Variants in BANK1 observed in about 807,000 individuals in gnomAD.
BANK1 encodes the protein B-cell scaffold protein with ankyrin repeats.
BANK1 carries 95 observed loss-of-function variants against 94.5 expected under a neutral mutation model. That is an observed-to-expected ratio of 1.00 (90% CI 0.85 to 1.19). The LOEUF (loss-of-function observed/expected upper bound fraction) is 1.19. BANK1 is among the 50% of genes most tolerant of loss of function. The pLI is 0.00. For missense variants in BANK1, 987 were observed against 932.2 expected, an observed-to-expected ratio of 1.06 and a Z score of -0.77; for synonymous variants, 334 against 308.4, an observed-to-expected ratio of 1.08 and a Z score of -0.87.
intron 2 of BANK1, among the ~76,000 whole-genome samples, chr4:101,834,956 T>C (rs952197603): frequency 1.3e-5 from 2 of 152,156 alleles, no homozygotes; most frequent in Non-Finnish European, 2.9e-5. Flanking sequence ...GTAATTTATA[T>C]TTTCTCCTAG....
rs538901138 is a variant in BANK1 at position 101,946,524 on chromosome 4, C to T, written c.1206+28335C>T. 1.3e-3 allele frequency among the ~76,000 whole-genome samples: 192 copies of T among 152,026 alleles called. 1 individual carries two copies. Among genetic ancestry groups the T allele is most frequent in the African/African-American group, 4.0e-3 (165 of 41,524 alleles). On this transcript the variant is annotated intron_variant, in intron 7 of 16. Coordinates refer to ENST00000322953, the MANE Select transcript of BANK1 (RefSeq NM_017935.5). ...ATATTAGCAGACGGCAAAATGCAGA[C>T]GCCTTTTGTTTCCATCCCTCCTGAA...
chr4:101,931,813 G>C (rs1433351976), intron 7 of BANK1, among the ~76,000 whole-genome samples: 1 of 151,408 alleles, frequency 6.6e-6, no homozygotes, highest in Non-Finnish European at 1.5e-5. Flanking sequence ...GTGGAATATT[G>C]ACATGGAGAG....
Position 101,933,398 on chromosome 4 carries a change from A to G in BANK1, c.1206+15209A>G, listed in dbSNP as rs540272918. On this transcript the variant is annotated intron_variant, in intron 7 of 16. Transcript: ENST00000322953. ...AAGCAAGTCAGTGGAAGAAAAGCAT[A>G]TTAAAGGGGTATGGAGTTTTACATG... Among the ~76,000 whole-genome samples, 9 of 151,364 alleles carry G rather than the reference A, an allele frequency of 5.9e-5. No homozygotes were observed. The South Asian group carries it at 1.2e-3, about 21-fold the overall frequency.
chr4:102,009,786 A>G (rs931767056), intron 7 of BANK1, among the ~76,000 whole-genome samples: 12 of 152,204 alleles, frequency 7.9e-5, no homozygotes, highest in African/African-American at 2.9e-4. Flanking sequence ...GGTAAATAGT[A>G]AATGTTATGT....
chr4:101,974,540 G>C (rs542667487), intron 7 of BANK1, among the ~76,000 whole-genome samples: 2 of 152,200 alleles, frequency 1.3e-5, no homozygotes, highest in East Asian at 3.9e-4. Flanking sequence ...CTTCCACTGT[G>C]CCAAATAATT....
At chr4:101,863,310 A>G (rs546437968) in intron 4 of BANK1, among the ~76,000 whole-genome samples, 5 of 152,008 alleles carry the variant, frequency 3.3e-5, no homozygotes, top group Non-Finnish European at 5.9e-5. Context: ...TAATTTCTGG[A>G]TATTTTAATA....
At chr4:101,902,317 A>AT (rs1241827769) in intron 6 of BANK1, among the ~76,000 whole-genome samples, 1 of 152,254 alleles carries the variant, frequency 6.6e-6, no homozygotes, top group Non-Finnish European at 1.5e-5. Context: ...TTGTAGGAAT[A>AT]TAATGGGTAA....
chr4:101,797,167 C>T (rs1725184274), intron 1 of BANK1, among the ~76,000 whole-genome samples: 1 of 152,050 alleles, frequency 6.6e-6, no homozygotes, highest in Non-Finnish European at 1.5e-5. Context: ...TCAATGTGTT[C>T]TTGCTAAACT....
At chr4:101,868,126 C>G (rs186152862) in intron 4 of BANK1, among the ~76,000 whole-genome samples, 1 of 152,014 alleles carries the variant, frequency 6.6e-6, no homozygotes, top group Admixed American at 6.5e-5. Context: ...AGGGTTGGAG[C>G]AAGGTAGGTT....
chr4:102,001,448 A>G (rs1726068830), intron 7 of BANK1, among the ~76,000 whole-genome samples: 1 of 152,116 alleles, frequency 6.6e-6, no homozygotes, highest in South Asian at 2.1e-4. Flanking sequence ...AAGAATACAA[A>G]AATTAGCTGG....
intron 7 of BANK1, among the ~76,000 whole-genome samples, chr4:101,926,608 A>G (rs1251274868): frequency 6.6e-6 from 1 of 151,744 alleles, no homozygotes; most frequent in Non-Finnish European, 1.5e-5. Context: ...ATAAGACTAT[A>G]AATAAATAAA....
At chr4:101,891,093 A>G (rs899736393) in intron 5 of BANK1, among the ~76,000 whole-genome samples, 1 of 152,054 alleles carries the variant, frequency 6.6e-6, no homozygotes, top group African/African-American at 2.4e-5. Context: ...ACTTTTGCTT[A>G]TTGTGTTCTT....
intron 7 of BANK1, among the ~76,000 whole-genome samples, chr4:101,986,625 C>T (rs1000759438): frequency 1.1e-4 from 17 of 151,412 alleles, no homozygotes; most frequent in African/African-American, 4.1e-4. Context: ...CAGATGCTCT[C>T]ATGCCATACT....
intron 1 of BANK1, among the ~76,000 whole-genome samples, chr4:101,818,180 C>T (rs960177940): frequency 6.6e-6 from 1 of 152,100 alleles, no homozygotes; most frequent in Non-Finnish European, 1.5e-5. Flanking sequence ...TGACATGGGG[C>T]ATAGCCTTGA....
chr4:101,870,938 A>G lies in BANK1; in HGVS notation c.903+294A>G, dbSNP rs138921183. Among the ~76,000 whole-genome samples, 894 of 152,202 alleles carry G rather than the reference A, an allele frequency of 5.9e-3. 15 individuals carry two copies. The highest frequency in any genetic ancestry group is 0.02 in the African/African-American group (846 of 41,570). On this transcript the variant is annotated intron_variant, in intron 5 of 16. Transcript: ENST00000322953. Reference sequence around the variant, plus strand: ...AAGCAGATAAAGGGAGAGCAATTAGAAAGAACTCCTAAGAAATGAATTCCT... The same window carrying G: ...AAGCAGATAAAGGGAGAGCAATTAGGAAGAACTCCTAAGAAATGAATTCCT...
rs562320831 is a variant in BANK1 at position 102,057,745 on chromosome 4, C to A, written c.1970-2466C>A. Among the ~76,000 whole-genome samples the A allele has an allele frequency of 3.5e-4, 54 of 152,228 alleles. 1 individual carries two copies. In the South Asian group the frequency reaches 6.4e-3, roughly 18 times the overall value. ...TTGATACTTATAGTATGACATAGTA[C>A]TTACAGCATGGTATATCTGGCATGG... is the stretch of plus-strand genomic sequence containing the variant. On this transcript the variant is annotated intron_variant, in intron 11 of 16. Transcript: ENST00000322953.
At chr4:101,809,445 A>G (rs568827802) in intron 1 of BANK1, among the ~76,000 whole-genome samples, 24 of 152,208 alleles carry the variant, frequency 1.6e-4, no homozygotes, top group Non-Finnish European at 3.4e-4. Flanking sequence ...GAACTTCTCC[A>G]TGTAACCAAA....
intron 5 of BANK1, among the ~76,000 whole-genome samples, chr4:101,872,035 T>C (rs942821083): frequency 6.6e-6 from 1 of 152,102 alleles, no homozygotes; most frequent in Non-Finnish European, 1.5e-5. Flanking sequence ...TTACCCTCTG[T>C]ACTGGAAATG....
chr4:101,855,043 G>A lies in BANK1; in HGVS notation c.478G>A (p.Asp160Asn). 3 of 1,607,376 alleles carry A rather than the reference G, an allele frequency of 1.9e-6. No homozygotes were observed. The highest frequency in any genetic ancestry group is 2.6e-6 in the Non-Finnish European group (3 of 1,175,612). The change falls in exon 3 of 17, where the codon GAC becomes AAC. Residue 160 changes from aspartate to asparagine, a missense_variant. Coordinates refer to ENST00000322953, the MANE Select transcript of BANK1 (RefSeq NM_017935.5). Reference sequence around the variant, plus strand: ...CATAAAATTTTCTCTAGATTCTGAAGACTACTTTGAGGTCAACATTCCAAC... The same window carrying A: ...CATAAAATTTTCTCTAGATTCTGAAAACTACTTTGAGGTCAACATTCCAAC... ...IQSIIFKDSE[D>N]YFEVNIPTDL...
Sources: allele counts gnomAD v4.1 joint callset (sites outside exome capture counted in the v4.1 genomes callset), GRCh38; gene constraint gnomAD v4.1.1; transcripts MANE v1.5; gene names NCBI Gene and HGNC (gene_info 2026-07-23, HGNC 2026-07-21).